GRIN2A: variants seen among roughly 807,000 people sequenced by gnomAD.
GRIN2A encodes the protein glutamate receptor ionotropic, NMDA 2A.
A neutral mutation model predicts 113.4 loss-of-function variants in GRIN2A; 22 were observed. That is an observed-to-expected ratio of 0.19 (90% CI 0.14 to 0.28). The LOEUF is 0.28. Ranked by LOEUF, GRIN2A falls within the 10% of genes least tolerant of loss-of-function variation. GRIN2A has a pLI of 1.00. For missense variants in GRIN2A, 1,502 were observed against 1,887.0 expected, an observed-to-expected ratio of 0.80 and a Z score of 3.78; for synonymous variants, 827 against 738.4, an observed-to-expected ratio of 1.12 and a Z score of -1.94.
intron 2 of GRIN2A, among the ~76,000 whole-genome samples, chr16:10,077,723 C>T (rs900469017): frequency 6.6e-6 from 1 of 152,206 alleles, no homozygotes; most frequent in Non-Finnish European, 1.5e-5. Context: ...CTCTTAAATG[C>T]TTCTGAAACA....
chr16:10,145,738 T>C (rs1248784268), intron 2 of GRIN2A, among the ~76,000 whole-genome samples: 5 of 152,224 alleles, frequency 3.3e-5, no homozygotes, highest in African/African-American at 9.6e-5. Context: ...GTGAGCCATA[T>C]GGTCGCCATA....
At chr16:10,054,395 C>A (rs112384475) in intron 2 of GRIN2A, among the ~76,000 whole-genome samples, 1 of 152,150 alleles carries the variant, frequency 6.6e-6, no homozygotes, top group Non-Finnish European at 1.5e-5. Flanking sequence ...AGGACTAATA[C>A]AAAGATTTAA....
Position 10,004,071 on chromosome 16 carries a change from G to A in GRIN2A, c.415-65520C>T, listed in dbSNP as rs72774055. Among the ~76,000 whole-genome samples the A allele has an allele frequency of 4.6e-5, 7 of 152,090 alleles. No homozygotes were observed. In the East Asian group the frequency reaches 9.7e-4, roughly 21 times the overall value. On this transcript the variant is annotated intron_variant, in intron 2 of 12. Coordinates refer to ENST00000330684, the MANE Select transcript of GRIN2A (RefSeq NM_001134407.3). ...CAAAAGGGGGCTGGGAAAGTTTCAC[G>A]GAGAGGGTTGAGAACTCACAAATAA...
intron 2 of GRIN2A, among the ~76,000 whole-genome samples, chr16:9,948,270 G>C (rs1596353356): frequency 6.6e-6 from 1 of 152,196 alleles, no homozygotes; most frequent in Non-Finnish European, 1.5e-5. Flanking sequence ...CTACAGTTAA[G>C]GAAGTTGGGG....
chr16:10,145,706 G>A (rs912982358), intron 2 of GRIN2A, among the ~76,000 whole-genome samples: 12 of 152,208 alleles, frequency 7.9e-5, no homozygotes, highest in African/African-American at 2.9e-4. Context: ...TAAAGGGCCA[G>A]ATAGTAAATG....
chr16:9,988,542 ATC>A (rs140580698), intron 2 of GRIN2A, among the ~76,000 whole-genome samples: 13,516 of 147,828 alleles, frequency 0.091, 679 homozygotes, highest in Non-Finnish European at 0.11. Context: ...GTACCAATTA[ATC>A]TCTCTCTCTC....
intron 2 of GRIN2A, among the ~76,000 whole-genome samples, chr16:9,976,527 G>A (rs759740655): frequency 6.6e-6 from 1 of 152,092 alleles, no homozygotes; most frequent in Non-Finnish European, 1.5e-5. Flanking sequence ...TTTAAAGTTG[G>A]CGTTTGAAAC....
At chr16:9,770,999 A>C (rs1354806442) in intron 11 of GRIN2A, among the ~76,000 whole-genome samples, 2 of 152,222 alleles carry the variant, frequency 1.3e-5, no homozygotes, top group African/African-American at 4.8e-5. Context: ...GGAAACTGCC[A>C]AACTTTCTTC....
intron 2 of GRIN2A, among the ~76,000 whole-genome samples, chr16:10,109,397 G>A (rs1024807877): frequency 2.6e-5 from 4 of 151,456 alleles, no homozygotes; most frequent in African/African-American, 9.7e-5. Context: ...GTGTTCAGAA[G>A]GCAATACTTC....
chr16:10,067,884 T>C (rs1279994176), intron 2 of GRIN2A, among the ~76,000 whole-genome samples: 1 of 152,148 alleles, frequency 6.6e-6, no homozygotes, highest in Non-Finnish European at 1.5e-5. Flanking sequence ...CAGCAAAGAA[T>C]GATGTGGTCC....
intron 2 of GRIN2A, among the ~76,000 whole-genome samples, chr16:9,977,262 A>C (rs924950363): frequency 7.9e-5 from 11 of 139,652 alleles, no homozygotes; most frequent in African/African-American, 2.5e-4. Flanking sequence ...ACTGCACTCC[A>C]GCCTGGGCAA....
chr16:9,812,941 CA>C (rs1367850563), intron 10 of GRIN2A, among the ~76,000 whole-genome samples: 2 of 152,044 alleles, frequency 1.3e-5, no homozygotes, highest in Non-Finnish European at 2.9e-5. Context: ...GTAATCCAAG[CA>C]AAAAGAAAAC....
At chr16:9,902,370 T>C (rs1241229766) in intron 3 of GRIN2A, among the ~76,000 whole-genome samples, 1 of 152,154 alleles carries the variant, frequency 6.6e-6, no homozygotes, top group Non-Finnish European at 1.5e-5. Context: ...GTAGCAGCCA[T>C]CTTGAATTAT....
intron 3 of GRIN2A, among the ~76,000 whole-genome samples, chr16:9,913,681 A>G (rs1257759647): frequency 6.6e-6 from 1 of 152,198 alleles, no homozygotes; most frequent in East Asian, 1.9e-4. Context: ...TATCCTGGAA[A>G]AGAGCTATAT....
intron 2 of GRIN2A, among the ~76,000 whole-genome samples, chr16:10,131,995 A>G (rs1272785961): frequency 1.3e-5 from 2 of 152,208 alleles, no homozygotes; most frequent in Non-Finnish European, 2.9e-5. Flanking sequence ...CCTAAAAAAA[A>G]GTATTATAAT....
intron 3 of GRIN2A, among the ~76,000 whole-genome samples, chr16:9,918,430 T>G (rs978816446): frequency 6.6e-6 from 1 of 152,182 alleles, no homozygotes; most frequent in Non-Finnish European, 1.5e-5. Flanking sequence ...ATAGAACAAT[T>G]ATAACAATAT....
At chr16:9,953,424 T>C (rs2045229082) in intron 2 of GRIN2A, among the ~76,000 whole-genome samples, 1 of 151,658 alleles carries the variant, frequency 6.6e-6, no homozygotes, top group Non-Finnish European at 1.5e-5. Context: ...AGGGTGGAAG[T>C]GAGTATAGGT....
intron 2 of GRIN2A, among the ~76,000 whole-genome samples, chr16:10,123,703 G>A (rs2048875127): frequency 6.6e-6 from 1 of 152,118 alleles, no homozygotes; most frequent in South Asian, 2.1e-4. Flanking sequence ...CAAAGCTGCT[G>A]GTGCATGGAC....
intron 2 of GRIN2A, among the ~76,000 whole-genome samples, chr16:10,122,631 T>C (rs925045400): frequency 2.0e-5 from 3 of 152,100 alleles, no homozygotes; most frequent in Non-Finnish European, 4.4e-5. Context: ...GCATTAAAAT[T>C]TTAAAAAAGG....
Sources: allele counts gnomAD v4.1 joint callset (sites outside exome capture counted in the v4.1 genomes callset), GRCh38; gene constraint gnomAD v4.1.1; transcripts MANE v1.5; gene names NCBI Gene and HGNC (gene_info 2026-07-23, HGNC 2026-07-21).